The following PIEZO2 variants were observed in gnomAD, a reference collection of about 807,000 sequenced individuals.
PIEZO2 encodes the protein piezo-type mechanosensitive ion channel component 2.
A neutral mutation model predicts 337.3 loss-of-function variants in PIEZO2; 172 were observed. The ratio of observed to expected loss-of-function variants is 0.51; its 90% confidence interval spans 0.45 to 0.58. PIEZO2 has a LOEUF of 0.58. Among genes scored for constraint, PIEZO2 ranks in the 20% least tolerant of loss-of-function variants. The pLI is 0.00. For synonymous variants in PIEZO2, 1,251 were observed against 1,228.5 expected, an observed-to-expected ratio of 1.02 and a Z score of -0.38; for missense variants, 3,028 against 3,391.3, an observed-to-expected ratio of 0.89 and a Z score of 2.66.
chr18:10,698,988 G>A lies in PIEZO2; in HGVS notation c.6631C>T (p.Arg2211Cys), dbSNP rs377378831. Residue 2211 changes from arginine (R) to cysteine (C), a missense_variant, in exon 44 of 56, where the codon CGC (arginine) becomes TGC (cysteine). By Grantham distance (180) the Arg-to-Cys change is radical (BLOSUM62 -3). Transcript: ENST00000674853. Reference sequence around the variant, plus strand: ...GATGGCTCGGAGCTGCTGCCGGAGCGCTTCCTCCGGACAGCTGTCTGCTGC... The same window carrying A: ...GATGGCTCGGAGCTGCTGCCGGAGCACTTCCTCCGGACAGCTGTCTGCTGC... ...PEQQTAVRRKRSGSSSEPSQR... is the reference protein window; with the variant it reads ...PEQQTAVRRKCSGSSSEPSQR... 70 of 1,536,820 alleles carry A rather than the reference G, an allele frequency of 4.6e-5. No homozygotes were observed. In the Middle Eastern group the frequency reaches 8.3e-4, roughly 18 times the overall value.
chr18:10,676,786 G>T lies in PIEZO2; in HGVS notation c.8081+961C>A, dbSNP rs767446602. On this transcript the variant is annotated intron_variant, in intron 53 of 55. Coordinates refer to ENST00000674853, the MANE Select transcript of PIEZO2 (RefSeq NM_001378183.1). The surrounding 1 kb of genome is among the most constrained non-coding windows in gnomAD (Gnocchi z 5.1). ...TGAGCCCCACCTCTTTCCACTGAGG[G>T]TGAACGAGTGAAGTGGGTACCCACG... Among the ~76,000 whole-genome samples the T allele has an allele frequency of 6.6e-6, 1 of 152,220 alleles. No individual in the cohort carries two copies. The highest frequency in any genetic ancestry group is 1.5e-5 in the Non-Finnish European group (1 of 68,040).
At chr18:10,800,298 A>C in intron 11 of PIEZO2, 39 bp downstream of exon 11, 2 of 1,506,280 alleles carry the variant, frequency 1.3e-6, no homozygotes, top group Non-Finnish European at 1.8e-6. Flanking sequence ...CTTCTAAATG[A>C]GGAAGAAATG....
At position 10,784,876 on chromosome 18, in the gene PIEZO2, C is replaced by T; in HGVS notation, c.2400G>A (p.Val800=). ...RIFIPTSFLL[V]CILHLHYFHD... ...GGAAGTAGTGCAGGTGTAAAATGCACACCAGCAGAAAGGAGGTTGGGATGA... is the reference window on the plus strand; with the variant it reads ...GGAAGTAGTGCAGGTGTAAAATGCATACCAGCAGAAAGGAGGTTGGGATGA... Residue 800 remains valine, a synonymous_variant, in exon 17 of 56, where the codon GTG becomes GTA. Coordinates refer to ENST00000674853, the MANE Select transcript of PIEZO2 (RefSeq NM_001378183.1). This position sits in a 1 kb window ranked among gnomAD's most constrained non-coding sequence, Gnocchi z 4.5. 1.3e-6 allele frequency: 2 copies of T among 1,537,642 alleles called. No homozygotes were observed. Among genetic ancestry groups the T allele is most frequent in the Non-Finnish European group, 1.7e-6 (2 of 1,146,980 alleles).
rs1233143613 is a variant in PIEZO2, at chr18:10,682,526, C to G, written c.7498-234G>C. Among the ~76,000 whole-genome samples the G allele has an allele frequency of 2.0e-5, 3 of 152,192 alleles. No individual in the cohort carries two copies. Among genetic ancestry groups the G allele is most frequent in the African/African-American group, 7.2e-5 (3 of 41,458 alleles). On this transcript the variant is annotated intron_variant, in intron 49 of 55. Coordinates refer to ENST00000674853, the MANE Select transcript of PIEZO2 (RefSeq NM_001378183.1). The surrounding 1 kb of genome is among the most constrained non-coding windows in gnomAD (Gnocchi z 5.6). Reference sequence around the variant, plus strand: ...GCTCCAGTACCCCCTGGTGGATCCACAGGGGCCAACAGGACTTAAGCGGCC... The same window carrying G: ...GCTCCAGTACCCCCTGGTGGATCCAGAGGGGCCAACAGGACTTAAGCGGCC...
intron 4 of PIEZO2, among the ~76,000 whole-genome samples, chr18:10,902,213 C>T (rs962185243): frequency 2.0e-5 from 3 of 152,226 alleles, no homozygotes; most frequent in Admixed American, 6.5e-5. Flanking sequence ...CTACCCCCAT[C>T]CGTGGAAAAA....
At chr18:11,004,710 C>T (rs1449121920) in intron 2 of PIEZO2, among the ~76,000 whole-genome samples, 1 of 152,158 alleles carries the variant, frequency 6.6e-6, no homozygotes, top group Admixed American at 6.5e-5. Flanking sequence ...AACTTCAGTG[C>T]TCTTGATAAT....
rs879902278 is a variant in PIEZO2 at position 10,795,369 on chromosome 18, ATTTTATTTTATTTTATTTTATTTTATT to A, written c.1528-394_1528-368del. ...TTATTTTATTATTTTATTTTATTTT[ATTTTATTTTATTTTATTTTATTTTATT>A]TTATTTTATTTTATTCAGCTCTATT... is the stretch of plus-strand genomic sequence containing the variant. On this transcript the variant is annotated intron_variant, in intron 12 of 55. Transcript: ENST00000674853. The surrounding 1 kb of genome is among the most constrained non-coding windows in gnomAD (Gnocchi z 4.4). Among the ~76,000 whole-genome samples, 6 of 49,700 alleles carry A rather than the reference ATTTTATTTTATTTTATTTTATTTTATT, an allele frequency of 1.2e-4. No homozygotes were observed. 32.6% of individuals were successfully genotyped at this position (49,700 alleles called of 152,430 possible). A position where few individuals can be genotyped will look rare whatever the true frequency, so the allele number is the denominator to read the frequency against.
intron 2 of PIEZO2, among the ~76,000 whole-genome samples, chr18:11,011,257 A>G (rs7505429): frequency 0.54 from 81,711 of 152,146 alleles, 22,228 homozygotes; most frequent in African/African-American, 0.6. Flanking sequence ...TCTGTGTCCT[A>G]CAATTGTATT....
In PIEZO2 at chr18:11,033,117, T is replaced by A. The variant is rs1206633679; in HGVS notation, c.160+33010A>T. ...AGAAACAATAATAGACAGCACCTTT[T>A]GAGCATTTACCGTGAGCCCAACACA... is the stretch of plus-strand genomic sequence containing the variant. On this transcript the variant is annotated intron_variant, in intron 2 of 55. Transcript: ENST00000674853. The surrounding 1 kb of genome is among the most constrained non-coding windows in gnomAD (Gnocchi z 4.2). 1.3e-5 allele frequency among the ~76,000 whole-genome samples: 2 copies of A among 152,232 alleles called. No individual in the cohort carries two copies. The highest frequency in any genetic ancestry group is 4.8e-5 in the African/African-American group (2 of 41,464).
chr18:10,990,302 A>G (rs1034444844), intron 2 of PIEZO2, among the ~76,000 whole-genome samples: 2 of 152,180 alleles, frequency 1.3e-5, no homozygotes, highest in East Asian at 1.9e-4. Flanking sequence ...TTAATTTCAT[A>G]TGAGGAGATG....
chr18:10,896,090 A>AG (rs2042894894), intron 4 of PIEZO2, among the ~76,000 whole-genome samples: 1 of 151,872 alleles, frequency 6.6e-6, no homozygotes, highest in African/African-American at 2.4e-5. Flanking sequence ...GAAAAAAAAA[A>AG]GAAAGAAAGA....
At chr18:11,087,716 AGGTTTTCAC>A (rs2038955518) in intron 1 of PIEZO2, among the ~76,000 whole-genome samples, 1 of 152,212 alleles carries the variant, frequency 6.6e-6, no homozygotes, top group Non-Finnish European at 1.5e-5. Flanking sequence ...TCGTCATTTC[AGGTTTTCAC>A]ATGTGCTTCT....
intron 27 of PIEZO2, among the ~76,000 whole-genome samples, chr18:10,757,661 T>A (rs564136581): frequency 4.7e-4 from 71 of 151,184 alleles, no homozygotes; most frequent in African/African-American, 1.6e-3. Flanking sequence ...AGAGGAGGGA[T>A]AAGAGATGAG....
rs1193342779 is a variant in PIEZO2 at position 10,783,147 on chromosome 18, AT to A, written c.2492+1636del. Among the ~76,000 whole-genome samples, 3 of 151,652 alleles carry A rather than the reference AT, an allele frequency of 2.0e-5. No homozygotes were observed. The highest frequency in any genetic ancestry group is 1.9e-4 in the East Asian group (1 of 5,184). On this transcript the variant is annotated intron_variant, in intron 17 of 55. Transcript: ENST00000674853. This position sits in a 1 kb window ranked among gnomAD's most constrained non-coding sequence, Gnocchi z 4.3. ...AAATGGCATTTGGAAGAAAAAAAAGATTTTTTTTTAAAAAAGATTTCACTAG... is the reference window on the plus strand; with the variant it reads ...AAATGGCATTTGGAAGAAAAAAAAGATTTTTTTTAAAAAAGATTTCACTAG...
intron 35 of PIEZO2, among the ~76,000 whole-genome samples, chr18:10,732,372 A>G (rs2036823309): frequency 6.6e-6 from 1 of 152,206 alleles, no homozygotes; most frequent in African/African-American, 2.4e-5. Context: ...AGTTAAATAA[A>G]TGTTTTCTGG....
intron 2 of PIEZO2, among the ~76,000 whole-genome samples, chr18:11,064,789 G>T (rs538149646): frequency 3.3e-5 from 5 of 152,302 alleles, no homozygotes; most frequent in African/African-American, 9.6e-5. Context: ...ATATATAAAG[G>T]TAGTCATTTT....
intron 12 of PIEZO2, among the ~76,000 whole-genome samples, chr18:10,796,435 G>A (rs2039602377): frequency 6.6e-6 from 1 of 151,806 alleles, no homozygotes; most frequent in Non-Finnish European, 1.5e-5. Flanking sequence ...AAGATAAGAT[G>A]TGAATATAAC....
At chr18:10,752,102 A>G (rs1253969831) in intron 28 of PIEZO2, among the ~76,000 whole-genome samples, 1 of 152,210 alleles carries the variant, frequency 6.6e-6, no homozygotes, top group Non-Finnish European at 1.5e-5. Flanking sequence ...TTTCTCTTCT[A>G]TCTACCCACA....
At chr18:11,054,416 C>A (rs1482638408) in intron 2 of PIEZO2, among the ~76,000 whole-genome samples, 3 of 152,196 alleles carry the variant, frequency 2.0e-5, no homozygotes, top group Non-Finnish European at 4.4e-5. Flanking sequence ...AAGCACAGGA[C>A]TAGAGTTAGT....
Sources: allele counts gnomAD v4.1 joint callset (sites outside exome capture counted in the v4.1 genomes callset), GRCh38; gene constraint gnomAD v4.1.1; non-coding constraint Gnocchi (gnomAD v3.1); transcripts MANE v1.5; gene names NCBI Gene and HGNC (gene_info 2026-07-23, HGNC 2026-07-21).